Variants in RBM6 observed in about 807,000 individuals in gnomAD.
RBM6 encodes RNA-binding protein 6.
Under a neutral mutation model 140.4 loss-of-function variants are expected in RBM6, and 23 were observed. That is an observed-to-expected ratio of 0.16 (90% CI 0.12 to 0.23). RBM6 has a LOEUF of 0.23. RBM6 is among the 10% of genes least tolerant of loss of function. The pLI, the probability that RBM6 is intolerant of heterozygous loss-of-function variation, is 1.00. For synonymous variants in RBM6, 439 were observed against 475.6 expected, an observed-to-expected ratio of 0.92 and a Z score of 1.00; for missense variants, 1,139 against 1,386.7, an observed-to-expected ratio of 0.82 and a Z score of 2.84.
chr3:50,048,394 C>T (rs1340148854), intron 7 of RBM6, 75 bp downstream of exon 7: 6 of 1,553,830 alleles, frequency 3.9e-6, no homozygotes, highest in African/African-American at 2.7e-5. Flanking sequence ...AGGAAGGCTG[C>T]CTGCTAACAT....
chr3:50,051,556 A>C (rs1020134664), intron 7 of RBM6, among the ~76,000 whole-genome samples: 3 of 152,220 alleles, frequency 2.0e-5, no homozygotes, highest in Non-Finnish European at 2.9e-5. Context: ...CAGGAGAATC[A>C]CTTGAACCTG....
At chr3:49,995,753 T>C (rs550104384) in intron 5 of RBM6, among the ~76,000 whole-genome samples, 59 of 152,140 alleles carry the variant, frequency 3.9e-4, no homozygotes, top group Non-Finnish European at 7.1e-4. Flanking sequence ...AGTCTGTCCA[T>C]GGGAAGGTTA....
chr3:50,030,500 C>G (rs1243747190), intron 6 of RBM6, among the ~76,000 whole-genome samples: 1 of 152,036 alleles, frequency 6.6e-6, no homozygotes, highest in Non-Finnish European at 1.5e-5. Flanking sequence ...TTTCCTACAA[C>G]TTTCTGTTTA....
At chr3:49,968,791 T>G in intron 3 of RBM6, 43 bp downstream of exon 3, 1 of 1,105,130 alleles carries the variant, frequency 9.0e-7, no homozygotes, top group Non-Finnish European at 1.3e-6. Context: ...TTTTTTTTTT[T>G]TTTTTTTGAG....
chr3:50,017,979 C>T (rs1011857275), intron 6 of RBM6, among the ~76,000 whole-genome samples: 1 of 152,206 alleles, frequency 6.6e-6, no homozygotes, highest in African/African-American at 2.4e-5. Flanking sequence ...ATTACATACA[C>T]AGCCTCCCCA....
intron 5 of RBM6, among the ~76,000 whole-genome samples, chr3:49,982,549 G>T (rs2085358610): frequency 6.6e-6 from 1 of 151,182 alleles, no homozygotes; most frequent in Non-Finnish European, 1.5e-5. Flanking sequence ...CAAGTAGCTG[G>T]GCTTACAGGC....
intron 2 of RBM6, among the ~76,000 whole-genome samples, chr3:49,965,543 G>A (rs1430313343): frequency 6.6e-6 from 1 of 152,152 alleles, no homozygotes; most frequent in East Asian, 1.9e-4. Flanking sequence ...GGTAGCGGGC[G>A]CCTGTAGTCC....
At chr3:50,047,342 A>G (rs1467065395) in intron 6 of RBM6, 52 of 985,248 alleles carry the variant, frequency 5.3e-5, no homozygotes, top group Non-Finnish European at 6.1e-5. Context: ...TTCACTTTCA[A>G]GTGTGGGTGA....
chr3:50,040,752 G>T (rs1253965059), intron 6 of RBM6, among the ~76,000 whole-genome samples: 1 of 151,544 alleles, frequency 6.6e-6, no homozygotes, highest in African/African-American at 2.4e-5. Context: ...GACCTCACAG[G>T]TTCAAGCAAC....
chr3:50,059,773 G>C, intron 11 of RBM6, 27 bp downstream of exon 11: 1 of 1,561,132 alleles, frequency 6.4e-7, no homozygotes, highest in African/African-American at 1.4e-5. Flanking sequence ...AGGATCTCTT[G>C]TGCTGCCCCC....
chr3:50,011,283 T>G (rs1373884894), intron 6 of RBM6, among the ~76,000 whole-genome samples: 1 of 152,116 alleles, frequency 6.6e-6, no homozygotes, highest in Non-Finnish European at 1.5e-5. Flanking sequence ...AGAGGAACAT[T>G]TAAGCTAAAC....
chr3:49,968,771 T>A (rs751316333), intron 3 of RBM6, 23 bp downstream of exon 3: 2 of 247,360 alleles, frequency 8.1e-6, no homozygotes, highest in Non-Finnish European at 1.0e-5. Context: ...GGTGGATTGC[T>A]TTTTTTTTTT....
chr3:50,059,883 T>C, intron 11 of RBM6, 137 bp downstream of exon 11: 1 of 627,876 alleles, frequency 1.6e-6, no homozygotes, highest in Admixed American at 3.4e-5. Context: ...TTTATTACAG[T>C]TTCTTTCTGA....
At chr3:49,953,158 T>TG (rs2083813375) in intron 1 of RBM6, among the ~76,000 whole-genome samples, 1 of 151,896 alleles carries the variant, frequency 6.6e-6, no homozygotes, top group Admixed American at 6.6e-5. Context: ...CATGCTCAAG[T>TG]GATCCTCCCA....
chr3:49,973,588 T>C (rs2681779), intron 4 of RBM6, among the ~76,000 whole-genome samples: 19,792 of 147,232 alleles, frequency 0.13, 1,629 homozygotes, highest in Non-Finnish European at 0.19. Flanking sequence ...GCTTTTCTTT[T>C]TTTTTTTTTT....
At chr3:50,019,506 C>G (rs1175886163) in intron 6 of RBM6, among the ~76,000 whole-genome samples, 2 of 152,058 alleles carry the variant, frequency 1.3e-5, no homozygotes, top group African/African-American at 2.4e-5. Context: ...CTTGCCTTTT[C>G]CTTTTCTTCT....
intron 6 of RBM6, among the ~76,000 whole-genome samples, chr3:50,017,479 A>C (rs908844417): frequency 6.6e-6 from 1 of 151,038 alleles, no homozygotes; most frequent in Non-Finnish European, 1.5e-5. Flanking sequence ...AATGGCGTGA[A>C]CCCAGGAGGT....
chr3:49,967,841 A>G lies in RBM6; in HGVS notation c.416A>G (p.Asp139Gly). 1.2e-6 allele frequency: 2 copies of G among 1,614,102 alleles called. No homozygotes were observed. The highest frequency in any genetic ancestry group is 1.7e-6 in the Non-Finnish European group (2 of 1,180,028). ...CCACCTATGGACTATAGGGGTGGAGATGGTACTTCTATGGATTATAGAGGT... is the reference window on the plus strand; with the variant it reads ...CCACCTATGGACTATAGGGGTGGAGGTGGTACTTCTATGGATTATAGAGGT... ...EGPPMDYRGG[D>G]GTSMDYRGRE... Residue 139 changes from aspartate to glycine, a missense_variant, in exon 3 of 21, where the codon GAT becomes GGT. Physicochemically the swap from Asp to Gly is moderately conservative, Grantham distance 94. Around this residue, in one of 9 missense-constraint regions of RBM6, gnomAD observed 566 missense variants for 612.7 expected, o/e 0.92. Transcript: ENST00000266022. The surrounding 1 kb of genome is among the most constrained non-coding windows in gnomAD (Gnocchi z 4.0).
intron 5 of RBM6, among the ~76,000 whole-genome samples, chr3:49,977,365 C>T (rs1258948317): frequency 6.6e-6 from 1 of 152,204 alleles, no homozygotes; most frequent in African/African-American, 2.4e-5. Context: ...GTGTCACTCT[C>T]AAATCTAAAA....
Sources: allele counts gnomAD v4.1 joint callset (sites outside exome capture counted in the v4.1 genomes callset), GRCh38; gene constraint gnomAD v4.1.1; regional missense constraint gnomAD v4.1.1; non-coding constraint Gnocchi (gnomAD v3.1); transcripts MANE v1.5; gene names NCBI Gene and HGNC (gene_info 2026-07-23, HGNC 2026-07-21).